The following AFF1 variants were observed in gnomAD, a reference collection of about 807,000 sequenced individuals.
AFF1 encodes AF4/FMR2 family member 1.
AFF1 carries 48 observed loss-of-function variants against 121.7 expected under a neutral mutation model. That is an observed-to-expected ratio of 0.39 (90% CI 0.31 to 0.50). The LOEUF is 0.50. Ranked by LOEUF, AFF1 falls within the 20% of genes least tolerant of loss-of-function variation. The probability of loss-of-function intolerance (pLI) is 0.76; values close to 1 mark genes in which losing one functional copy is unlikely to be tolerated. For missense variants in AFF1, 1,523 were observed against 1,511.7 expected, an observed-to-expected ratio of 1.01 and a Z score of -0.12; for synonymous variants, 613 against 563.0, an observed-to-expected ratio of 1.09 and a Z score of -1.26.
chr4:87,118,055 C>T (rs1042370975), intron 12 of AFF1, among the ~76,000 whole-genome samples: 1 of 152,238 alleles, frequency 6.6e-6, no homozygotes, highest in Non-Finnish European at 1.5e-5. Flanking sequence ...AGAAAAAACT[C>T]TGAGCATATA....
At chr4:87,046,326 A>C in intron 3 of AFF1, 40 bp downstream of exon 3, 1 of 1,598,986 alleles carries the variant, frequency 6.3e-7, no homozygotes, top group East Asian at 2.2e-5. Flanking sequence ...CTGATTTATC[A>C]CAATGTTGAA....
At chr4:87,134,918 A>G (rs1167765398) in intron 20 of AFF1, among the ~76,000 whole-genome samples, 1 of 152,184 alleles carries the variant, frequency 6.6e-6, no homozygotes, top group African/African-American at 2.4e-5. Context: ...CAAAACCAAA[A>G]TACAAGTGGC....
chr4:86,984,295 G>A (rs1039896576), intron 2 of AFF1, among the ~76,000 whole-genome samples: 1 of 148,922 alleles, frequency 6.7e-6, no homozygotes, highest in Admixed American at 6.7e-5. Flanking sequence ...TGTATTTCAA[G>A]TGACCCTTTT....
chr4:87,073,596 G>A lies in AFF1; in HGVS notation c.1060-10524G>A, dbSNP rs565828297. Reference sequence around the variant, plus strand: ...GCTGTTGAGATTACTGCTGGAATAAGCCCAGGATAAAATCTTTATGTCCTT... The same window carrying A: ...GCTGTTGAGATTACTGCTGGAATAAACCCAGGATAAAATCTTTATGTCCTT... On this transcript the variant is annotated intron_variant, in intron 4 of 20. Coordinates refer to ENST00000395146, the MANE Select transcript of AFF1 (RefSeq NM_001166693.3). Among the ~76,000 whole-genome samples the A allele has an allele frequency of 3.2e-4, 49 of 152,240 alleles. 1 individual carries two copies. Among genetic ancestry groups the A allele is most frequent in the African/African-American group, 1.1e-3 (46 of 41,530 alleles).
intron 2 of AFF1, among the ~76,000 whole-genome samples, chr4:87,000,653 G>C (rs6811587): frequency 0.63 from 94,476 of 149,494 alleles, 32,656 homozygotes; most frequent in South Asian, 0.8. Flanking sequence ...CAGAGGAAGT[G>C]GGGGAACTTG....
intron 2 of AFF1, among the ~76,000 whole-genome samples, chr4:87,027,305 C>G (rs1449914408): frequency 1.3e-5 from 2 of 152,222 alleles, no homozygotes; most frequent in Non-Finnish European, 2.9e-5. Flanking sequence ...GGTAAGTGCT[C>G]TAGTTTTGCT....
At position 87,115,206 on chromosome 4, in the gene AFF1, G is replaced by A. The variant is rs137893463; in HGVS notation, c.2373G>A (p.Arg791=). Residue 791 remains arginine, a synonymous_variant, in exon 12 of 21, where the codon AGG becomes AGA. Transcript: ENST00000395146. ...PQPPGKGSRQ[R]KAEDKQPPAG... ...CTCCCGGGAAGGGGAGCCGCCAGAG[G>A]AAAGCAGAAGATAAACAGCCGCCCG... 2.5e-6 allele frequency: 4 copies of A among 1,614,102 alleles called. No homozygotes were observed. In the South Asian group the frequency reaches 4.4e-5, roughly 18 times the overall value.
chr4:87,044,126 A>T (rs930606438), intron 2 of AFF1, among the ~76,000 whole-genome samples: 1 of 152,122 alleles, frequency 6.6e-6, no homozygotes, highest in African/African-American at 2.4e-5. Context: ...TAAGGAGATA[A>T]TTATTTACCA....
intron 2 of AFF1, among the ~76,000 whole-genome samples, chr4:86,963,791 TTTTCA>T (rs1722321322): frequency 6.6e-6 from 1 of 150,740 alleles, no homozygotes; most frequent in Non-Finnish European, 1.5e-5. Context: ...CCACCTTTTC[TTTTCA>T]TTTCTTTTTT....
chr4:87,018,379 G>A (rs72667752), intron 2 of AFF1, among the ~76,000 whole-genome samples: 31,971 of 152,204 alleles, frequency 0.21, 3,527 homozygotes, highest in East Asian at 0.32. Flanking sequence ...ATAATAGGGG[G>A]TGGGGAATTG....
chr4:87,047,580 T>G lies in AFF1; in HGVS notation c.1045T>G (p.Ser349Ala). 1 of 1,614,188 alleles carries G rather than the reference T, an allele frequency of 6.2e-7. No individual in the cohort carries two copies. Among genetic ancestry groups the G allele is most frequent in the South Asian group, 1.1e-5 (1 of 91,084 alleles). The change falls in exon 4 of 21, where the codon TCT (serine) becomes GCT (alanine). Residue 349 changes from serine (S) to alanine (A), a missense_variant. Ser to Ala is a moderately conservative substitution (Grantham distance 99, BLOSUM62 1). Transcript: ENST00000395146. The stretch of plus-strand genomic sequence containing the variant: ...CAAGCTCACCAAACTGAAGATGCCT[T>G]CTCAGTCAGTTGAGGTGTGTGGAAT... Reference protein sequence around the residue: ...KAKLTKLKMPSQSVEQTYSNE... With the variant: ...KAKLTKLKMPAQSVEQTYSNE...
Position 87,126,285 on chromosome 4 carries a change from CAAGCA to C in AFF1, c.2761_2765del (p.Lys921GlufsTer34), listed in dbSNP as rs1295808546. On this transcript the variant is annotated frameshift_variant, in exon 14 of 21. Transcript: ENST00000395146. LOFTEE classifies it high-confidence loss of function. ...GCAACCACAAAGACTCTTCCATTCC[CAAGCA>C]GAGAAGAGTAGAGGGGAAGGGCTCC... is the stretch of plus-strand genomic sequence containing the variant. 1 of 1,614,082 alleles carries C rather than the reference CAAGCA, an allele frequency of 6.2e-7. No individual in the cohort carries two copies. The highest frequency in any genetic ancestry group is 1.1e-5 in the South Asian group (1 of 91,072).
chr4:87,108,117 T>C (rs780847296), intron 10 of AFF1, 42 bp from the exon 11 acceptor site: 1 of 1,603,846 alleles, frequency 6.2e-7, no homozygotes, highest in Non-Finnish European at 8.5e-7. Context: ...GAAATCCACC[T>C]TGTATCGTGC....
At chr4:87,046,659 GT>G (rs760364810) in intron 3 of AFF1, 35 bp from the exon 4 acceptor site, 15 of 1,567,520 alleles carry the variant, frequency 9.6e-6, no homozygotes, top group African/African-American at 4.1e-5. Flanking sequence ...GTTTTCCTTA[GT>G]TTTTTTTCAT....
chr4:86,997,293 TCTA>T (rs1725291452), intron 2 of AFF1, among the ~76,000 whole-genome samples: 1 of 152,186 alleles, frequency 6.6e-6, no homozygotes, highest in African/African-American at 2.4e-5. Flanking sequence ...ACTTTGGGAC[TCTA>T]GAGTCCCCAC....
Position 87,003,860 on chromosome 4 carries a change from G to A in AFF1, c.39-42306G>A, listed in dbSNP as rs574785561. On this transcript the variant is annotated intron_variant, in intron 2 of 20. Transcript: ENST00000395146. The stretch of plus-strand genomic sequence containing the variant: ...TGCAAAAGAAAATATGCGTACAAAG[G>A]TATTTTGTTGTCCGATATAGATTTC... 4.6e-5 allele frequency among the ~76,000 whole-genome samples: 7 copies of A among 152,292 alleles called. No individual in the cohort carries two copies. The South Asian group carries it at 1.4e-3, about 32-fold the overall frequency.
intron 8 of AFF1, among the ~76,000 whole-genome samples, chr4:87,101,357 T>A (rs1268427840): frequency 6.6e-6 from 1 of 152,146 alleles, no homozygotes; most frequent in African/African-American, 2.4e-5. Context: ...GAGGACTGCT[T>A]GAGCCTGGGA....
chr4:87,125,016 T>A, intron 12 of AFF1, 21 bp from the exon 13 acceptor site: 2 of 1,546,454 alleles, frequency 1.3e-6, no homozygotes, highest in Non-Finnish European at 1.7e-6. Context: ...ATAATTTGCT[T>A]TGCTGATTAT....
intron 2 of AFF1, among the ~76,000 whole-genome samples, chr4:87,037,738 G>A (rs745568369): frequency 1.3e-5 from 2 of 152,128 alleles, no homozygotes; most frequent in African/African-American, 4.8e-5. Flanking sequence ...GAATTGATGT[G>A]ACTTTTTAGT....
Sources: gnomAD v4.1 joint callset for allele counts (sites outside exome capture counted in the v4.1 genomes callset) on GRCh38, gnomAD v4.1.1 for gene constraint, MANE v1.5 for transcripts, NCBI Gene and HGNC (gene_info 2026-07-23, HGNC 2026-07-21) for gene names.